The following POU3F3 variants were observed in gnomAD, a reference collection of about 807,000 sequenced individuals.
POU3F3 encodes POU class 3 homeobox 3.
A neutral mutation model predicts 8.6 loss-of-function variants in POU3F3; 1 was observed. That is an observed-to-expected ratio of 0.12 (90% CI 0.04 to 0.55). The LOEUF (loss-of-function observed/expected upper bound fraction) is 0.55. POU3F3 is among the 20% of genes least tolerant of loss of function. POU3F3 has a pLI of 0.91. For missense variants in POU3F3, 577 were observed against 690.7 expected (o/e 0.84, Z 1.84); for synonymous variants, 418 against 327.4 (o/e 1.28, Z -2.99).
chr2:104,879,824 T>C, the POU3F3 span, among the ~76,000 whole-genome samples: 1 of 152,162 alleles, frequency 6.6e-6, no homozygotes, highest in Non-Finnish European at 1.5e-5. Context: ...ACAGAACAAG[T>C]GTGGGGTGTC....
chr2:104,906,713 T>C, the POU3F3 span, among the ~76,000 whole-genome samples: 2 of 152,220 alleles, frequency 1.3e-5, no homozygotes, highest in Non-Finnish European at 2.9e-5. Flanking sequence ...ATATAGATTT[T>C]GGACATTGCC....
At chr2:104,917,508 G>A in the POU3F3 span, among the ~76,000 whole-genome samples, 25 of 152,148 alleles carry the variant, frequency 1.6e-4, no homozygotes, top group African/African-American at 6.0e-4. Context: ...AAGGTAACAG[G>A]TTCTTCTGAA....
the POU3F3 span, among the ~76,000 whole-genome samples, chr2:104,904,692 A>G: frequency 2.0e-5 from 3 of 152,110 alleles, no homozygotes; most frequent in South Asian, 4.2e-4. Context: ...GGCAAAGTCA[A>G]ATGTATACTG....
chr2:104,875,774 T>C, the POU3F3 span, among the ~76,000 whole-genome samples: 2 of 152,228 alleles, frequency 1.3e-5, no homozygotes, highest in African/African-American at 4.8e-5. Flanking sequence ...TGGAGTGCAG[T>C]GGTGCAGTCT....
At chr2:104,897,723 C>A in the POU3F3 span, among the ~76,000 whole-genome samples, 1 of 152,204 alleles carries the variant, frequency 6.6e-6, no homozygotes, top group South Asian at 2.1e-4. Context: ...CTGCACACTG[C>A]TGAAATGTTT....
the POU3F3 span, among the ~76,000 whole-genome samples, chr2:104,882,539 G>A: frequency 4.6e-5 from 7 of 152,182 alleles, no homozygotes; most frequent in South Asian, 2.1e-4. Context: ...GACATGAACC[G>A]CTGCACCCTG....
At chr2:104,889,832 G>A in the POU3F3 span, among the ~76,000 whole-genome samples, 1 of 152,188 alleles carries the variant, frequency 6.6e-6, no homozygotes, top group Admixed American at 6.5e-5. Flanking sequence ...CTGGCATGAG[G>A]AAGAAGTTCA....
At chr2:104,900,838 G>A in the POU3F3 span, among the ~76,000 whole-genome samples, 3 of 152,172 alleles carry the variant, frequency 2.0e-5, no homozygotes, top group African/African-American at 4.8e-5. Context: ...GCTCACTACC[G>A]AGTGAATGAG....
chr2:104,881,975 A>G, the POU3F3 span, among the ~76,000 whole-genome samples: 1 of 152,272 alleles, frequency 6.6e-6, no homozygotes, highest in Non-Finnish European at 1.5e-5. Context: ...AAGAAGGATG[A>G]GTAAAACCTG....
the POU3F3 span, among the ~76,000 whole-genome samples, chr2:104,905,140 C>T: frequency 6.6e-6 from 1 of 152,286 alleles, no homozygotes; most frequent in African/African-American, 2.4e-5. Flanking sequence ...TCATGTGCCT[C>T]CTGGTCTGTT....
chr2:104,880,999 A>G, the POU3F3 span, among the ~76,000 whole-genome samples: 1 of 152,234 alleles, frequency 6.6e-6, no homozygotes, highest in East Asian at 1.9e-4. Flanking sequence ...TATTACATTC[A>G]TAAAGTGAAC....
the POU3F3 span, among the ~76,000 whole-genome samples, chr2:104,864,071 A>G: frequency 6.6e-6 from 1 of 152,186 alleles, no homozygotes; most frequent in East Asian, 1.9e-4. Context: ...ACCAGGGTAA[A>G]CTGCCTGTGC....
chr2:104,900,848 G>A, the POU3F3 span, among the ~76,000 whole-genome samples: 192 of 152,304 alleles, frequency 1.3e-3, no homozygotes, highest in African/African-American at 4.1e-3. Flanking sequence ...GAGTGAATGA[G>A]AGCAGTATAT....
chr2:104,874,510 G>A, the POU3F3 span, among the ~76,000 whole-genome samples: 1 of 152,198 alleles, frequency 6.6e-6, no homozygotes, highest in African/African-American at 2.4e-5. Flanking sequence ...AGAAGGAGGA[G>A]AGGTGCCAGT....
the POU3F3 span, among the ~76,000 whole-genome samples, chr2:104,918,507 GT>G: frequency 2.0e-5 from 3 of 152,132 alleles, no homozygotes; most frequent in African/African-American, 7.2e-5. Flanking sequence ...AAGGTGACTG[GT>G]GTCCTTATAA....
the POU3F3 span, among the ~76,000 whole-genome samples, chr2:104,910,431 G>C: frequency 6.6e-6 from 1 of 152,078 alleles, no homozygotes; most frequent in African/African-American, 2.4e-5. Context: ...CACTCAATGG[G>C]CCCTTGCATT....
chr2:104,912,192 T>A, the POU3F3 span, among the ~76,000 whole-genome samples: 3 of 152,302 alleles, frequency 2.0e-5, no homozygotes, highest in South Asian at 6.2e-4. Context: ...TTGTTCGTGC[T>A]GGTCGGGCAA....
chr2:104,894,817 A>G, the POU3F3 span, among the ~76,000 whole-genome samples: 1 of 152,202 alleles, frequency 6.6e-6, no homozygotes, highest in Admixed American at 6.5e-5. Context: ...ATTGTTCTGG[A>G]GACTCAGCCT....
At chr2:104,922,567 G>GA in the POU3F3 span, among the ~76,000 whole-genome samples, 4 of 152,142 alleles carry the variant, frequency 2.6e-5, no homozygotes, top group Non-Finnish European at 4.4e-5. Context: ...GCAGGCGGAA[G>GA]AAAAAAATCA....
Sources: gnomAD v4.1 joint callset for allele counts (sites outside exome capture counted in the v4.1 genomes callset) on GRCh38, gnomAD v4.1.1 for gene constraint, MANE v1.5 for transcripts, NCBI Gene and HGNC (gene_info 2026-07-23, HGNC 2026-07-21) for gene names.